BRINP1: variants seen among roughly 807,000 people sequenced by gnomAD.
BRINP1 encodes the protein BMP/retinoic acid-inducible neural-specific protein 1.
Under a neutral mutation model 72.9 loss-of-function variants are expected in BRINP1, and 17 were observed. The observed-to-expected ratio is 0.23, with a 90% CI of 0.16 to 0.35. The LOEUF is 0.35. BRINP1 is among the 10% of genes least tolerant of loss of function. The pLI, the probability that BRINP1 is intolerant of heterozygous loss-of-function variation, is 1.00. For synonymous variants in BRINP1, 418 were observed against 378.5 expected (o/e 1.10, Z -1.21); for missense variants, 850 against 1,001.6 (o/e 0.85, Z 2.04).
At chr9:119,318,998 A>G (rs1171153862) in intron 1 of BRINP1, among the ~76,000 whole-genome samples, 6 of 151,968 alleles carry the variant, frequency 3.9e-5, no homozygotes, top group Non-Finnish European at 5.9e-5. Context: ...TTTGATCCTC[A>G]CAACTGAGGG....
intron 7 of BRINP1, among the ~76,000 whole-genome samples, chr9:119,168,891 AAGTC>A (rs1219147899): frequency 6.6e-6 from 1 of 151,668 alleles, no homozygotes; most frequent in African/African-American, 2.4e-5. Context: ...ATGTGAGTAT[AAGTC>A]AGTTCAACCA....
chr9:119,356,230 G>T (rs764111742), intron 1 of BRINP1, among the ~76,000 whole-genome samples: 10 of 152,052 alleles, frequency 6.6e-5, no homozygotes, highest in Non-Finnish European at 1.3e-4. Flanking sequence ...ACTTCCTACA[G>T]ATCTCTGCTC....
intron 2 of BRINP1, among the ~76,000 whole-genome samples, chr9:119,263,601 CTT>C (rs386416080): frequency 1.3e-5 from 1 of 78,560 alleles, no homozygotes; most frequent in Non-Finnish European, 2.2e-5. Context: ...GTAAACAATT[CTT>C]TTTTTTTTTT....
chr9:119,219,584 G>T (rs537487095), intron 5 of BRINP1, among the ~76,000 whole-genome samples: 1 of 151,160 alleles, frequency 6.6e-6, no homozygotes, highest in African/African-American at 2.4e-5. Flanking sequence ...AGGCAGCTGT[G>T]CTGTGGATAC....
intron 1 of BRINP1, among the ~76,000 whole-genome samples, chr9:119,343,551 A>C (rs1322242581): frequency 6.6e-6 from 1 of 152,058 alleles, no homozygotes; most frequent in East Asian, 1.9e-4. Flanking sequence ...CCTGCCTCCC[A>C]AAGGAGTTCT....
intron 7 of BRINP1, among the ~76,000 whole-genome samples, chr9:119,200,213 T>C (rs1829790573): frequency 6.6e-6 from 1 of 152,210 alleles, no homozygotes; most frequent in Non-Finnish European, 1.5e-5. Context: ...GGCTATTGTG[T>C]GACAGGTCAT....
At chr9:119,276,583 G>A (rs1830660146) in intron 2 of BRINP1, among the ~76,000 whole-genome samples, 1 of 152,112 alleles carries the variant, frequency 6.6e-6, no homozygotes, top group Admixed American at 6.6e-5. Context: ...TAACCCATCG[G>A]TGGATATGTA....
At chr9:119,337,322 T>C (rs1831356940) in intron 1 of BRINP1, among the ~76,000 whole-genome samples, 1 of 152,124 alleles carries the variant, frequency 6.6e-6, no homozygotes, top group Non-Finnish European at 1.5e-5. Flanking sequence ...TGACAAATCG[T>C]AGGCACAGGT....
At chr9:119,339,177 A>G (rs943871571) in intron 1 of BRINP1, among the ~76,000 whole-genome samples, 2 of 152,202 alleles carry the variant, frequency 1.3e-5, no homozygotes, top group African/African-American at 4.8e-5. Flanking sequence ...CAGTGTCTCT[A>G]TCTCAATTAC....
chr9:119,252,091 T>C (rs1200510778), intron 2 of BRINP1, among the ~76,000 whole-genome samples: 1 of 152,134 alleles, frequency 6.6e-6, no homozygotes, highest in Non-Finnish European at 1.5e-5. Flanking sequence ...CCATCTTTTC[T>C]TCCTCCCTCC....
At chr9:119,327,495 T>G (rs1001215860) in intron 1 of BRINP1, among the ~76,000 whole-genome samples, 1 of 152,190 alleles carries the variant, frequency 6.6e-6, no homozygotes, top group Non-Finnish European at 1.5e-5. Context: ...CAGGGAACCA[T>G]GGGAACCTTC....
At chr9:119,293,070 T>C (rs1050730608) in intron 2 of BRINP1, among the ~76,000 whole-genome samples, 34 of 152,214 alleles carry the variant, frequency 2.2e-4, no homozygotes, top group African/African-American at 8.2e-4. Flanking sequence ...CTCAATAGAA[T>C]GTACATTCTG....
chr9:119,299,786 T>C (rs911134221), intron 2 of BRINP1, among the ~76,000 whole-genome samples: 4 of 152,154 alleles, frequency 2.6e-5, no homozygotes, highest in African/African-American at 4.8e-5. Context: ...ATTTCCTTTA[T>C]CCATATGTCC....
intron 7 of BRINP1, among the ~76,000 whole-genome samples, chr9:119,171,895 C>T (rs371956391): frequency 1.6e-5 from 2 of 122,520 alleles, no homozygotes; most frequent in African/African-American, 3.7e-5. Context: ...GGGTACATAA[C>T]GAAATGAAGG....
intron 2 of BRINP1, among the ~76,000 whole-genome samples, chr9:119,303,389 A>G (rs527492015): frequency 1.9e-4 from 29 of 151,980 alleles, no homozygotes; most frequent in African/African-American, 6.8e-4. Flanking sequence ...CCTGAGGGAC[A>G]AATGTCCCCT....
At chr9:119,351,215 T>G (rs1440241367) in intron 1 of BRINP1, among the ~76,000 whole-genome samples, 1 of 152,138 alleles carries the variant, frequency 6.6e-6, no homozygotes, top group Non-Finnish European at 1.5e-5. Flanking sequence ...TCAAACTCAT[T>G]TGCACGTGAA....
intron 2 of BRINP1, among the ~76,000 whole-genome samples, chr9:119,311,712 C>T (rs773693575): frequency 1.8e-4 from 28 of 152,206 alleles, no homozygotes; most frequent in Non-Finnish European, 8.8e-5. Flanking sequence ...ATCCCCCATC[C>T]TCATTGGCAA....
At chr9:119,306,082 G>A (rs1292198049) in intron 2 of BRINP1, among the ~76,000 whole-genome samples, 1 of 152,130 alleles carries the variant, frequency 6.6e-6, no homozygotes, top group Non-Finnish European at 1.5e-5. Flanking sequence ...GTATCAGTCT[G>A]TCCATAAGAG....
rs1263785461 is a variant in BRINP1, at chr9:119,368,983, C to A, written c.-51+73G>T. 1 of 391,940 alleles carries A rather than the reference C, an allele frequency of 2.6e-6. No individual in the cohort carries two copies. Among genetic ancestry groups the A allele is most frequent in the Non-Finnish European group, 4.5e-6 (1 of 222,254 alleles). The allele number at this position is 391,940 out of a possible 1,614,324, so 24.3% of individuals were successfully genotyped here. A position where few individuals can be genotyped will look rare whatever the true frequency, so the allele number is the denominator to read the frequency against. On this transcript the variant is annotated intron_variant, in intron 1 of 7. Transcript: ENST00000265922. This position sits in a 1 kb window ranked among gnomAD's most constrained non-coding sequence, Gnocchi z 4.7. ...GGGGAGGGGCAGAGGAGCGCGGGGACGCCCCGAATGCGGCCCGGGGCCGGG... is the reference window on the plus strand; with the variant it reads ...GGGGAGGGGCAGAGGAGCGCGGGGAAGCCCCGAATGCGGCCCGGGGCCGGG...
Sources: allele counts gnomAD v4.1 joint callset (sites outside exome capture counted in the v4.1 genomes callset), GRCh38; gene constraint gnomAD v4.1.1; non-coding constraint Gnocchi (gnomAD v3.1); transcripts MANE v1.5; gene names NCBI Gene and HGNC (gene_info 2026-07-23, HGNC 2026-07-21).